KSR2: variants seen among roughly 807,000 people sequenced by gnomAD.
KSR2 encodes kinase suppressor of ras 2.
KSR2 carries 25 observed loss-of-function variants against 107.8 expected under a neutral mutation model. That is an observed-to-expected ratio of 0.23 (90% CI 0.17 to 0.32). The LOEUF (loss-of-function observed/expected upper bound fraction) is 0.32. KSR2 is among the 10% of genes least tolerant of loss of function. The pLI, the probability that KSR2 is intolerant of heterozygous loss-of-function variation, is 1.00. For synonymous variants in KSR2, 480 were observed against 507.0 expected, an observed-to-expected ratio of 0.95 and a Z score of 0.71; for missense variants, 887 against 1,268.9, an observed-to-expected ratio of 0.70 and a Z score of 4.57.
At chr12:117,957,058 G>A (rs149444841) in intron 1 of KSR2, among the ~76,000 whole-genome samples, 54 of 152,270 alleles carry the variant, frequency 3.5e-4, no homozygotes, top group African/African-American at 1.2e-3. Context: ...TTCCATCATC[G>A]TGATTGTCAT....
rs202148025 is a variant in KSR2, at chr12:117,476,520, G to A, written c.2526C>T (p.Pro842=). ...LAPEIIRQLS[P]DTEEDKLPFS... Reference sequence around the variant, plus strand: ...AGGGGAGCTTATCCTCCTCTGTGTCGGGGGACAGCTGGCGGATGATCTCTG... The same window carrying A: ...AGGGGAGCTTATCCTCCTCTGTGTCAGGGGACAGCTGGCGGATGATCTCTG... Residue 842 remains proline, a synonymous_variant, in exon 17 of 20, where the codon CCC becomes CCT. Coordinates refer to ENST00000339824, the MANE Select transcript of KSR2 (RefSeq NM_173598.6). 396 of 1,609,016 alleles carry A rather than the reference G, an allele frequency of 2.5e-4. No homozygotes were observed. Among genetic ancestry groups the A allele is most frequent in the Middle Eastern group, 4.9e-4 (3 of 6,082 alleles).
At chr12:117,817,962 G>A (rs1325909196) in intron 3 of KSR2, among the ~76,000 whole-genome samples, 5 of 152,102 alleles carry the variant, frequency 3.3e-5, no homozygotes, top group Admixed American at 2.6e-4. Flanking sequence ...TTAGCCAGGC[G>A]TGGTGGTGCA....
intron 7 of KSR2, among the ~76,000 whole-genome samples, chr12:117,559,557 G>C (rs908505561): frequency 6.6e-6 from 1 of 152,170 alleles, no homozygotes; most frequent in African/African-American, 2.4e-5. Context: ...GGTCCCAAAG[G>C]TGGCCGCTCA....
At chr12:117,725,511 T>C (rs1222195911) in intron 4 of KSR2, among the ~76,000 whole-genome samples, 1 of 152,186 alleles carries the variant, frequency 6.6e-6, no homozygotes, top group African/African-American at 2.4e-5. Flanking sequence ...CATCCTTACT[T>C]TACATCATAT....
intron 5 of KSR2, among the ~76,000 whole-genome samples, chr12:117,627,024 G>T (rs1409334704): frequency 1.4e-5 from 2 of 144,074 alleles, no homozygotes; most frequent in South Asian, 4.2e-4. Flanking sequence ...TGCAACCCCT[G>T]CTTTTTTTTT....
chr12:117,603,221 T>G (rs1336439397), intron 5 of KSR2, among the ~76,000 whole-genome samples: 2 of 151,846 alleles, frequency 1.3e-5, no homozygotes, highest in East Asian at 3.9e-4. Flanking sequence ...CACAAATTAC[T>G]AAAGTGATTT....
intron 1 of KSR2, among the ~76,000 whole-genome samples, chr12:117,862,038 A>G (rs1341769021): frequency 6.6e-6 from 1 of 150,952 alleles, no homozygotes; most frequent in Non-Finnish European, 1.5e-5. Context: ...TTCAGTAGTT[A>G]CCTGAGATAT....
intron 14 of KSR2, among the ~76,000 whole-genome samples, chr12:117,501,571 G>C (rs1873379707): frequency 6.6e-6 from 1 of 152,230 alleles, no homozygotes; most frequent in Non-Finnish European, 1.5e-5. Flanking sequence ...GGGATACTGA[G>C]TCTGGTGGGC....
At chr12:117,871,062 A>G (rs1381797851) in intron 1 of KSR2, among the ~76,000 whole-genome samples, 2 of 152,222 alleles carry the variant, frequency 1.3e-5, no homozygotes, top group Non-Finnish European at 2.9e-5. Context: ...GCTGTCAGTT[A>G]ACAGGGATAT....
chr12:117,738,167 C>T (rs1242144270), intron 4 of KSR2, among the ~76,000 whole-genome samples: 4 of 152,208 alleles, frequency 2.6e-5, no homozygotes, highest in Admixed American at 2.0e-4. Flanking sequence ...GGCTCCCACA[C>T]ACTAGCTGCA....
intron 17 of KSR2, among the ~76,000 whole-genome samples, chr12:117,472,332 G>A (rs1592904445): frequency 6.6e-6 from 1 of 152,214 alleles, no homozygotes; most frequent in Admixed American, 6.5e-5. Context: ...CATGAAGGGG[G>A]TGATGGGCCA....
chr12:117,637,407 C>A lies in KSR2; in HGVS notation c.1171+30067G>T, dbSNP rs550685960. Among the ~76,000 whole-genome samples the A allele has an allele frequency of 2.0e-4, 30 of 152,280 alleles. 1 individual carries two copies. The South Asian group carries it at 4.1e-3, about 21-fold the overall frequency. ...GCCAAGAATGCTGCTACACATCCTG[C>A]AAGGCTCAGGGTAGCCCCTACCACA... On this transcript the variant is annotated intron_variant, in intron 5 of 19. Coordinates refer to ENST00000339824, the MANE Select transcript of KSR2 (RefSeq NM_173598.6).
intron 9 of KSR2, among the ~76,000 whole-genome samples, chr12:117,552,271 T>G (rs535209609): frequency 8.5e-5 from 13 of 152,228 alleles, no homozygotes; most frequent in African/African-American, 1.2e-4. Context: ...ATTATTGAAT[T>G]CCATCCTCAT....
chr12:117,784,766 C>T (rs990664852), intron 3 of KSR2, among the ~76,000 whole-genome samples: 2 of 152,120 alleles, frequency 1.3e-5, no homozygotes, highest in South Asian at 2.1e-4. Flanking sequence ...GAGAAAGAGG[C>T]CCCTGAAAGC....
intron 4 of KSR2, among the ~76,000 whole-genome samples, chr12:117,745,248 T>C (rs2136800391): frequency 6.6e-6 from 1 of 152,288 alleles, no homozygotes; most frequent in Non-Finnish European, 1.5e-5. Context: ...TACAGCCTAT[T>C]TTCTCACCTA....
intron 9 of KSR2, among the ~76,000 whole-genome samples, chr12:117,548,459 T>A (rs879749969): frequency 6.6e-6 from 1 of 152,214 alleles, no homozygotes; most frequent in Non-Finnish European, 1.5e-5. Context: ...TAACATTTTC[T>A]TTTCTTTAGC....
At chr12:117,942,754 C>G (rs1896049830) in intron 1 of KSR2, among the ~76,000 whole-genome samples, 1 of 151,854 alleles carries the variant, frequency 6.6e-6, no homozygotes, top group African/African-American at 2.4e-5. Context: ...TCCGCCTTGG[C>G]CTTCCAAGGT....
intron 14 of KSR2, among the ~76,000 whole-genome samples, chr12:117,513,644 C>T (rs900078800): frequency 3.3e-5 from 5 of 152,136 alleles, no homozygotes; most frequent in African/African-American, 1.2e-4. Context: ...GTTGTCCTTC[C>T]CAGGGAATGG....
intron 7 of KSR2, among the ~76,000 whole-genome samples, chr12:117,570,392 G>A (rs966164418): frequency 8.5e-5 from 13 of 152,110 alleles, no homozygotes; most frequent in Non-Finnish European, 1.2e-4. Context: ...TCCAACGACA[G>A]GACAGCCCCC....
Sources: gnomAD v4.1 joint callset for allele counts (sites outside exome capture counted in the v4.1 genomes callset) on GRCh38, gnomAD v4.1.1 for gene constraint, MANE v1.5 for transcripts, NCBI Gene and HGNC (gene_info 2026-07-23, HGNC 2026-07-21) for gene names.